GRIN2A: variants seen among roughly 807,000 people sequenced by gnomAD.
GRIN2A encodes the protein glutamate receptor ionotropic, NMDA 2A.
A neutral mutation model predicts 113.4 loss-of-function variants in GRIN2A; 22 were observed. The ratio of observed to expected loss-of-function variants is 0.19; its 90% CI spans 0.14 to 0.28. The LOEUF (loss-of-function observed/expected upper bound fraction) is 0.28, where lower values mean the gene tolerates loss of function less well. GRIN2A is among the 10% of genes least tolerant of loss of function. The pLI is 1.00. For missense variants in GRIN2A, 1,502 were observed against 1,887.0 expected (o/e 0.80, Z 3.78); for synonymous variants, 827 against 738.4 (o/e 1.12, Z -1.94).
At chr16:9,964,592 C>G (rs539462125) in intron 2 of GRIN2A, among the ~76,000 whole-genome samples, 2 of 152,288 alleles carry the variant, frequency 1.3e-5, no homozygotes, top group African/African-American at 4.8e-5. Flanking sequence ...GGAGAATCCA[C>G]TTCCTTGACT....
chr16:9,873,977 A>G (rs900850190), intron 4 of GRIN2A, among the ~76,000 whole-genome samples: 5 of 152,226 alleles, frequency 3.3e-5, no homozygotes, highest in African/African-American at 1.2e-4. Context: ...AACGTAAGTG[A>G]GAGGCCATTG....
chr16:9,803,348 A>G (rs1413624101), intron 10 of GRIN2A, among the ~76,000 whole-genome samples: 3 of 152,048 alleles, frequency 2.0e-5, no homozygotes, highest in Non-Finnish European at 4.4e-5. Context: ...CAGAAGTTGC[A>G]GTGAGCCGAG....
intron 11 of GRIN2A, 92 bp from the exon 12 acceptor site, chr16:9,769,181 C>T: frequency 1.0e-6 from 1 of 958,120 alleles, no homozygotes; most frequent in Non-Finnish European, 1.7e-6. Flanking sequence ...ATGTGCAACT[C>T]ACAGCTATGT....
intron 9 of GRIN2A, among the ~76,000 whole-genome samples, chr16:9,822,846 A>T (rs1324296251): frequency 2.0e-5 from 3 of 152,002 alleles, no homozygotes; most frequent in Non-Finnish European, 4.4e-5. Context: ...TTATGATGAA[A>T]TTTTCTGTGA....
At chr16:9,907,899 G>GATCAT (rs1180553612) in intron 3 of GRIN2A, among the ~76,000 whole-genome samples, 3 of 152,146 alleles carry the variant, frequency 2.0e-5, no homozygotes, top group Non-Finnish European at 4.4e-5. Flanking sequence ...GGGAAACAGG[G>GATCAT]ATCATGTCTG....
At chr16:10,093,539 G>A (rs1002864486) in intron 2 of GRIN2A, among the ~76,000 whole-genome samples, 1 of 151,980 alleles carries the variant, frequency 6.6e-6, no homozygotes, top group Admixed American at 6.6e-5. Flanking sequence ...TAGTCAGGTG[G>A]CATCGATCAG....
At chr16:9,845,227 A>G (rs1485567043) in intron 5 of GRIN2A, among the ~76,000 whole-genome samples, 1 of 152,186 alleles carries the variant, frequency 6.6e-6, no homozygotes, top group East Asian at 1.9e-4. Context: ...GAACCTGTTA[A>G]GCTGTTGATA....
intron 7 of GRIN2A, among the ~76,000 whole-genome samples, chr16:9,837,110 G>T (rs940034449): frequency 6.6e-6 from 1 of 152,148 alleles, no homozygotes; most frequent in South Asian, 2.1e-4. Context: ...GAATGTTTTG[G>T]CTCTTCCAGA....
At chr16:10,040,621 C>T (rs756898746) in intron 2 of GRIN2A, among the ~76,000 whole-genome samples, 8 of 151,944 alleles carry the variant, frequency 5.3e-5, no homozygotes, top group South Asian at 4.1e-4. Context: ...TTCACAACTA[C>T]GCACACATAA....
At chr16:10,042,188 T>C (rs2047177859) in intron 2 of GRIN2A, among the ~76,000 whole-genome samples, 1 of 152,202 alleles carries the variant, frequency 6.6e-6, no homozygotes, top group Non-Finnish European at 1.5e-5. Context: ...AATTTTTCAA[T>C]ACTCCCCTCC....
intron 2 of GRIN2A, among the ~76,000 whole-genome samples, chr16:10,133,607 C>A (rs76501443): frequency 6.6e-6 from 1 of 151,324 alleles, no homozygotes; most frequent in East Asian, 1.9e-4. Context: ...GATTCAGTCT[C>A]AAAAAAAATA....
At chr16:9,942,889 C>T (rs537828618) in intron 2 of GRIN2A, among the ~76,000 whole-genome samples, 2 of 152,182 alleles carry the variant, frequency 1.3e-5, no homozygotes, top group Admixed American at 6.5e-5. Flanking sequence ...AAAGCATCAT[C>T]TACCCCTTGG....
chr16:9,968,483 T>G (rs1228038343), intron 2 of GRIN2A, among the ~76,000 whole-genome samples: 7 of 151,954 alleles, frequency 4.6e-5, no homozygotes, highest in Non-Finnish European at 1.0e-4. Flanking sequence ...CTGGCTAATT[T>G]TGTATTTTTA....
rs1054676370 is a variant in GRIN2A, at chr16:9,762,307, A to G, written c.*842T>C. The G allele has an allele frequency of 8.9e-6, 2 of 224,978 alleles. No homozygotes were observed. Among genetic ancestry groups the G allele is most frequent in the African/African-American group, 4.5e-5 (2 of 44,614 alleles). 13.9% of individuals were successfully genotyped at this position (224,978 alleles called of 1,614,324 possible). On this transcript the variant is annotated 3_prime_UTR_variant, in exon 13 of 13. Transcript: ENST00000330684. ...ATAGGCGTCTTCGGGATAAACTACA[A>G]TGGCCACTGTGTCACAGACAGAAGA...
At chr16:9,929,661 G>A (rs972828659) in intron 3 of GRIN2A, among the ~76,000 whole-genome samples, 1 of 151,934 alleles carries the variant, frequency 6.6e-6, no homozygotes, top group Non-Finnish European at 1.5e-5. Flanking sequence ...ATAGAGATGG[G>A]GCTTAATTTG....
chr16:9,937,928 C>A (rs1230440731), intron 3 of GRIN2A, 31 bp downstream of exon 3: 1 of 1,495,822 alleles, frequency 6.7e-7, no homozygotes. Flanking sequence ...AACTCTGATC[C>A]CACTTTGGGA....
intron 2 of GRIN2A, among the ~76,000 whole-genome samples, chr16:10,095,984 A>G (rs1464320973): frequency 6.6e-6 from 1 of 152,218 alleles, no homozygotes; most frequent in African/African-American, 2.4e-5. Flanking sequence ...GCTTGAAAAT[A>G]TATCTACTCA....
intron 2 of GRIN2A, among the ~76,000 whole-genome samples, chr16:10,134,784 A>C (rs982733847): frequency 1.3e-5 from 2 of 152,162 alleles, no homozygotes; most frequent in African/African-American, 4.8e-5. Context: ...ATCAGACAAA[A>C]AATGGTTCTT....
intron 2 of GRIN2A, among the ~76,000 whole-genome samples, chr16:10,098,938 C>CA (rs2048345261): frequency 7.9e-6 from 1 of 126,878 alleles, no homozygotes; most frequent in South Asian, 2.4e-4. Context: ...CCCCCTCCCC[C>CA]CCCCAAAAAA....
Sources: gnomAD v4.1 joint callset for allele counts (sites outside exome capture counted in the v4.1 genomes callset) on GRCh38, gnomAD v4.1.1 for gene constraint, MANE v1.5 for transcripts, NCBI Gene and HGNC (gene_info 2026-07-23, HGNC 2026-07-21) for gene names.